The following ATP13A4 variants were observed in gnomAD, a reference collection of about 807,000 sequenced individuals.
The protein encoded by ATP13A4 is ATPase 13A4, also known as probable cation-transporting ATPase 13A4.
Under a neutral mutation model 142.5 loss-of-function variants are expected in ATP13A4, and 114 were observed. The ratio of observed to expected loss-of-function variants is 0.80; its 90% CI spans 0.69 to 0.93. The LOEUF is 0.93. Among genes scored for constraint, ATP13A4 ranks in the 40% least tolerant of loss-of-function variants. ATP13A4 has a pLI of 0.00. For missense variants in ATP13A4, 1,392 were observed against 1,454.0 expected, an observed-to-expected ratio of 0.96 and a Z score of 0.69; for synonymous variants, 488 against 514.8, an observed-to-expected ratio of 0.95 and a Z score of 0.70.
upstream of ATP13A4, among the ~76,000 whole-genome samples, chr3:193,557,300 C>T (rs966920111): frequency 2.0e-5 from 3 of 152,198 alleles, no homozygotes; most frequent in Non-Finnish European, 4.4e-5. Flanking sequence ...AGAGTTTCCT[C>T]AGGTTCCTTG....
chr3:193,414,705 G>A lies in ATP13A4; in HGVS notation c.2888C>T (p.Ala963Val). The A allele has an allele frequency of 6.2e-7, 1 of 1,614,150 alleles. No individual in the cohort carries two copies. The highest frequency in any genetic ancestry group is 8.5e-7 in the Non-Finnish European group (1 of 1,180,004). ...CAGAGGTGGAGAGATCAGCCGTCCT[G>A]CAGGTCTGAAAGGCACCAGCTTAGG... The part of the protein sequence containing the change: ...AYPKLVPFRP[A>V]GRLISPPLLL... The change falls in exon 26 of 30, where the codon GCA becomes GTA. Residue 963 changes from alanine (A) to valine (V), a missense_variant. Physicochemically the swap from Ala to Val is moderately conservative, Grantham distance 64. Coordinates refer to ENST00000342695, the MANE Select transcript of ATP13A4 (RefSeq NM_032279.4).
chr3:193,524,063 G>T (rs1375934301), intron 1 of ATP13A4, among the ~76,000 whole-genome samples: 1 of 152,120 alleles, frequency 6.6e-6, no homozygotes, highest in Admixed American at 6.5e-5. Flanking sequence ...GCCAACTTTG[G>T]ACTTTCTAGT....
chr3:193,461,001 TG>T (rs1717915016), intron 13 of ATP13A4, among the ~76,000 whole-genome samples: 1 of 152,246 alleles, frequency 6.6e-6, no homozygotes, highest in African/African-American at 2.4e-5. Context: ...AATTCTGTTT[TG>T]TTTCATTTTA....
At chr3:193,454,416 C>T (rs1425133649) in intron 16 of ATP13A4, among the ~76,000 whole-genome samples, 3 of 152,114 alleles carry the variant, frequency 2.0e-5, no homozygotes, top group Non-Finnish European at 4.4e-5. Flanking sequence ...GAGAAGGAAG[C>T]ATTTGAAAAA....
chr3:193,492,540 C>T (rs1036985198), intron 5 of ATP13A4, among the ~76,000 whole-genome samples: 9 of 152,166 alleles, frequency 5.9e-5, no homozygotes, highest in Non-Finnish European at 2.9e-5. Flanking sequence ...AATGGCTCAA[C>T]TTTATATTAT....
intron 13 of ATP13A4, among the ~76,000 whole-genome samples, chr3:193,459,935 G>C (rs980074658): frequency 6.6e-6 from 1 of 152,168 alleles, no homozygotes; most frequent in African/African-American, 2.4e-5. Context: ...TTCAGCTTTG[G>C]CGTCACAAGA....
intron 17 of ATP13A4, among the ~76,000 whole-genome samples, chr3:193,450,873 G>A (rs1417660402): frequency 6.6e-6 from 1 of 152,124 alleles, no homozygotes; most frequent in Non-Finnish European, 1.5e-5. Context: ...AAGGTTGCTG[G>A]GTGGAGGTCA....
At chr3:193,576,475 G>T (rs1183046814) in intron 2 of ATP13A4, among the ~76,000 whole-genome samples, 2 of 150,740 alleles carry the variant, frequency 1.3e-5, no homozygotes, top group Non-Finnish European at 3.0e-5. Flanking sequence ...GTTTCACCCT[G>T]TTAGCCAGGA....
intron 17 of ATP13A4, among the ~76,000 whole-genome samples, chr3:193,453,516 C>G (rs969748291): frequency 1.3e-5 from 2 of 151,976 alleles, no homozygotes; most frequent in African/African-American, 4.8e-5. Flanking sequence ...AGTTTTGGAG[C>G]TGTTACGCAT....
At chr3:193,484,996 G>A (rs755007526) in intron 7 of ATP13A4, among the ~76,000 whole-genome samples, 1 of 152,088 alleles carries the variant, frequency 6.6e-6, no homozygotes, top group Non-Finnish European at 1.5e-5. Flanking sequence ...ATTTAGCCAA[G>A]GGGTAAGGGC....
chr3:193,404,406 C>A (rs1714392882), intron 29 of ATP13A4, among the ~76,000 whole-genome samples: 1 of 152,064 alleles, frequency 6.6e-6, no homozygotes, highest in African/African-American at 2.4e-5. Context: ...GTCCTGTTAC[C>A]GCACATTATA....
chr3:193,555,839 T>C (rs919988941), upstream of ATP13A4, among the ~76,000 whole-genome samples: 1 of 152,194 alleles, frequency 6.6e-6, no homozygotes, highest in African/African-American at 2.4e-5. Flanking sequence ...AATACCTGTA[T>C]TCCAGCTGCT....
upstream of ATP13A4, among the ~76,000 whole-genome samples, chr3:193,559,540 C>T (rs1355150650): frequency 6.6e-6 from 1 of 152,152 alleles, no homozygotes; most frequent in Admixed American, 6.5e-5. Flanking sequence ...GAATTACCTG[C>T]CTCAAGGTGG....
At position 193,517,555 on chromosome 3, in the gene ATP13A4, A is replaced by C. The variant is rs1381464550; in HGVS notation, c.61-2684T>G. Among the ~76,000 whole-genome samples, 4 of 152,176 alleles carry C rather than the reference A, an allele frequency of 2.6e-5. No homozygotes were observed. The South Asian group carries it at 6.2e-4, about 24-fold the overall frequency. On this transcript the variant is annotated intron_variant, in intron 1 of 29. Transcript: ENST00000342695. Reference sequence around the variant, plus strand: ...GAGTACAGTGGCGCGATCTCGGCTCACTGCAAGCTCCGCCTCCCGGGTTCA... The same window carrying C: ...GAGTACAGTGGCGCGATCTCGGCTCCCTGCAAGCTCCGCCTCCCGGGTTCA...
intron 18 of ATP13A4, among the ~76,000 whole-genome samples, chr3:193,446,988 G>A (rs1479009657): frequency 1.3e-5 from 2 of 152,128 alleles, no homozygotes; most frequent in African/African-American, 4.8e-5. Context: ...AGATATTCAA[G>A]CATATGTAAG....
intron 1 of ATP13A4, among the ~76,000 whole-genome samples, chr3:193,547,938 G>T (rs566663328): frequency 6.6e-6 from 1 of 152,290 alleles, no homozygotes; most frequent in East Asian, 1.9e-4. Context: ...GAAGCTATTT[G>T]CTATTCTTTC....
At chr3:193,432,035 G>C (rs1471608256) in intron 25 of ATP13A4, among the ~76,000 whole-genome samples, 2 of 151,956 alleles carry the variant, frequency 1.3e-5, no homozygotes, top group Admixed American at 1.3e-4. Flanking sequence ...GCTGGTGGTA[G>C]ATTCAGGGTC....
chr3:193,452,496 C>A (rs546841210), intron 17 of ATP13A4, among the ~76,000 whole-genome samples: 1 of 151,194 alleles, frequency 6.6e-6, no homozygotes, highest in East Asian at 1.9e-4. Flanking sequence ...TTACCCATCA[C>A]AAAGTGAGAG....
chr3:193,575,592 G>A (rs115942506), intron 2 of ATP13A4, among the ~76,000 whole-genome samples: 291 of 152,170 alleles, frequency 1.9e-3, no homozygotes, highest in African/African-American at 6.4e-3. Context: ...TTAAAAACAC[G>A]GGCATCTAAC....
Sources: allele counts gnomAD v4.1 joint callset (sites outside exome capture counted in the v4.1 genomes callset), GRCh38; gene constraint gnomAD v4.1.1; transcripts MANE v1.5; gene names NCBI Gene and HGNC (gene_info 2026-07-23, HGNC 2026-07-21).